The following ATP10B variants were observed in gnomAD, a reference collection of about 807,000 sequenced individuals.
The protein encoded by ATP10B is ATPase phospholipid transporting 10B (putative), also known as phospholipid-transporting ATPase VB.
ATP10B carries 122 observed loss-of-function variants against 141.2 expected under a neutral mutation model. The ratio of observed to expected loss-of-function variants is 0.86; its 90% confidence interval spans 0.75 to 1.00. ATP10B has a LOEUF of 1.00. Among genes scored for constraint, ATP10B ranks in the 50% least tolerant of loss-of-function variants. The pLI, the probability that ATP10B is intolerant of heterozygous loss-of-function variation, is 0.00. For synonymous variants in ATP10B, 685 were observed against 692.0 expected (o/e 0.99, Z 0.16); for missense variants, 1,876 against 1,825.3 (o/e 1.03, Z -0.51).
At chr5:160,902,707 A>AG in the ATP10B span, among the ~76,000 whole-genome samples, 1 of 152,184 alleles carries the variant, frequency 6.6e-6, no homozygotes, top group Non-Finnish European at 1.5e-5. Flanking sequence ...AGCAGTGCTT[A>AG]GTATTTTCTA....
intron 7 of ATP10B, among the ~76,000 whole-genome samples, chr5:160,654,547 A>G (rs923807689): frequency 2.6e-5 from 4 of 152,302 alleles, no homozygotes; most frequent in Non-Finnish European, 1.5e-5. Context: ...TATCTGGAGC[A>G]CTTACTATGT....
the ATP10B span, among the ~76,000 whole-genome samples, chr5:160,883,148 G>T: frequency 6.6e-6 from 1 of 152,126 alleles, no homozygotes; most frequent in Admixed American, 6.5e-5. Context: ...TAAATACTCA[G>T]GAATAGAAAA....
intron 24 of ATP10B, among the ~76,000 whole-genome samples, chr5:160,572,191 T>C (rs539417346): frequency 6.6e-6 from 1 of 151,528 alleles, no homozygotes; most frequent in South Asian, 2.1e-4. Flanking sequence ...TTAAAGAGTT[T>C]TTTTTTCCCC....
chr5:160,866,253 T>C, the ATP10B span, among the ~76,000 whole-genome samples: 11 of 152,168 alleles, frequency 7.2e-5, no homozygotes, highest in Non-Finnish European at 1.5e-4. Context: ...AATTATGCCC[T>C]TTGCAGCAAC....
the ATP10B span, among the ~76,000 whole-genome samples, chr5:160,862,554 G>A: frequency 6.6e-5 from 10 of 152,006 alleles, no homozygotes; most frequent in South Asian, 2.1e-4. Context: ...TTTGAGAATC[G>A]CTGGTATACA....
chr5:160,842,427 A>T (rs1480826094), intron 1 of ATP10B, among the ~76,000 whole-genome samples: 1 of 152,250 alleles, frequency 6.6e-6, no homozygotes, highest in South Asian at 2.1e-4. Flanking sequence ...AAGATAAAAA[A>T]ATAAAGAGCG....
At chr5:160,808,276 G>A (rs762226456) in intron 1 of ATP10B, among the ~76,000 whole-genome samples, 12 of 152,230 alleles carry the variant, frequency 7.9e-5, no homozygotes, top group Non-Finnish European at 1.8e-4. Flanking sequence ...TTGGGGCTTC[G>A]AAACTTTCTA....
chr5:160,622,585 C>A lies in ATP10B; in HGVS notation c.1621G>T (p.Glu541Ter), dbSNP rs1426998315. ...TTTTTATCTGGAGTTACATCTTTTT[C>A]CTGGAAGAGAAAGGCCAGAATGAGA... The part of the protein sequence containing the change: ...QPPVAFSSSI[E>*]KDVTPDKNLL... The change falls in exon 14 of 26, where the codon GAA (glutamate) becomes TAA (stop). Residue 541 changes from glutamate to a stop codon, truncating the protein, a stop_gained and splice_region_variant. Coordinates refer to ENST00000327245, the MANE Select transcript of ATP10B (RefSeq NM_025153.3). LOFTEE classifies it high-confidence loss of function. 1 of 1,608,704 alleles carries A rather than the reference C, an allele frequency of 6.2e-7. No homozygotes were observed. The highest frequency in any genetic ancestry group is 8.5e-7 in the Non-Finnish European group (1 of 1,177,190).
intron 2 of ATP10B, among the ~76,000 whole-genome samples, chr5:160,772,433 A>G (rs547917983): frequency 1.6e-4 from 25 of 152,262 alleles, no homozygotes; most frequent in African/African-American, 5.5e-4. Flanking sequence ...TGGCTGTGAT[A>G]CCTGGACTGT....
At chr5:160,803,659 G>A (rs1200986021) in intron 1 of ATP10B, among the ~76,000 whole-genome samples, 2 of 152,148 alleles carry the variant, frequency 1.3e-5, no homozygotes, top group African/African-American at 4.8e-5. Flanking sequence ...CTGGGTGACA[G>A]AGCAAGACTC....
rs186772273 is a variant in ATP10B, at chr5:160,637,979, G to A, written c.1001-1670C>T. Among the ~76,000 whole-genome samples the A allele has an allele frequency of 1.9e-3, 283 of 152,340 alleles. 3 individuals are homozygous for A. The South Asian group carries it at 0.022, about 12-fold the overall frequency. Reference sequence around the variant, plus strand: ...AATAAGACAAGTATGGGAAAAGCCCGAGAAGGCTGAATGGATGAGGAGGAC... The same window carrying A: ...AATAAGACAAGTATGGGAAAAGCCCAAGAAGGCTGAATGGATGAGGAGGAC... On this transcript the variant is annotated intron_variant, in intron 10 of 25. Transcript: ENST00000327245.
chr5:160,660,315 A>ATG (rs1405876350), intron 7 of ATP10B, among the ~76,000 whole-genome samples: 2 of 152,228 alleles, frequency 1.3e-5, no homozygotes, highest in Non-Finnish European at 2.9e-5. Flanking sequence ...CACTAACGTT[A>ATG]TGTGAAAAGG....
chr5:160,603,996 C>T lies in ATP10B; in HGVS notation c.3206G>A (p.Gly1069Glu). ...GCCTTCCTGTCCAGATATTCCAATT[C>T]CAATATCAGCAGCTTGAATCATGCT... ...DVSMIQAADI[G>E]IGISGQEGMQ... The change falls in exon 20 of 26, where the codon GGA becomes GAA. Residue 1069 changes from glycine to glutamate, a missense_variant. Coordinates refer to ENST00000327245, the MANE Select transcript of ATP10B (RefSeq NM_025153.3). The T allele has an allele frequency of 4.3e-6, 7 of 1,613,828 alleles. No individual in the cohort carries two copies. The highest frequency in any genetic ancestry group is 5.9e-6 in the Non-Finnish European group (7 of 1,179,844).
chr5:160,587,050 C>T (rs1755954990), intron 24 of ATP10B, among the ~76,000 whole-genome samples: 1 of 152,090 alleles, frequency 6.6e-6, no homozygotes, highest in Admixed American at 6.5e-5. Flanking sequence ...AATGGTATTG[C>T]CTAGGTTTTC....
intron 2 of ATP10B, among the ~76,000 whole-genome samples, chr5:160,752,955 C>T (rs190916071): frequency 2.2e-4 from 34 of 152,268 alleles, no homozygotes; most frequent in South Asian, 1.9e-3. Context: ...GTTCCTCTTA[C>T]TTTCTGCTTT....
At chr5:160,880,828 C>G in the ATP10B span, among the ~76,000 whole-genome samples, 1 of 152,020 alleles carries the variant, frequency 6.6e-6, no homozygotes, top group Non-Finnish European at 1.5e-5. Flanking sequence ...AAATACAAAA[C>G]TATAAAAATC....
At chr5:160,621,541 C>G (rs1256499422) in intron 14 of ATP10B, among the ~76,000 whole-genome samples, 1 of 152,194 alleles carries the variant, frequency 6.6e-6, no homozygotes, top group Non-Finnish European at 1.5e-5. Context: ...TAAGATAAAG[C>G]TTTCTGCCTC....
At chr5:160,842,351 G>C (rs1406307246) in intron 1 of ATP10B, among the ~76,000 whole-genome samples, 1 of 152,002 alleles carries the variant, frequency 6.6e-6, no homozygotes, top group Non-Finnish European at 1.5e-5. Context: ...GGAAACGATA[G>C]CCTTAAATGC....
chr5:160,850,409 G>A (rs376465710), intron 1 of ATP10B, among the ~76,000 whole-genome samples: 4 of 152,210 alleles, frequency 2.6e-5, no homozygotes, highest in East Asian at 3.9e-4. Context: ...GGGTGACAGA[G>A]CAAGACTCCA....
Sources: gnomAD v4.1 joint callset for allele counts (sites outside exome capture counted in the v4.1 genomes callset) on GRCh38, gnomAD v4.1.1 for gene constraint, MANE v1.5 for transcripts, NCBI Gene and HGNC (gene_info 2026-07-23, HGNC 2026-07-21) for gene names.